MYO3B: variants seen among roughly 807,000 people sequenced by gnomAD.
MYO3B encodes myosin-IIIb.
In MYO3B, 156 loss-of-function variants were observed where a neutral mutation model predicts 174.6. The observed-to-expected ratio is 0.89, with a 90% CI of 0.78 to 1.02. The LOEUF (loss-of-function observed/expected upper bound fraction) is 1.02. MYO3B is among the 50% of genes least tolerant of loss of function. MYO3B has a pLI of 0.00. For missense variants in MYO3B, 1,632 were observed against 1,639.4 expected (o/e 1.00, Z 0.08); for synonymous variants, 563 against 569.1 (o/e 0.99, Z 0.15).
At chr2:170,532,757 G>A (rs1426567617) in intron 30 of MYO3B, among the ~76,000 whole-genome samples, 6 of 150,870 alleles carry the variant, frequency 4.0e-5, no homozygotes, top group African/African-American at 7.3e-5. Flanking sequence ...TGGGGGTTGC[G>A]GTGAGCCAAG....
chr2:170,413,606 G>T (rs1036946788), intron 22 of MYO3B, among the ~76,000 whole-genome samples: 2 of 152,040 alleles, frequency 1.3e-5, no homozygotes, highest in Admixed American at 6.6e-5. Context: ...GTATGAATAG[G>T]TGCTCAGTTA....
chr2:170,446,067 A>G (rs2094840076), intron 23 of MYO3B, among the ~76,000 whole-genome samples: 1 of 152,252 alleles, frequency 6.6e-6, no homozygotes, highest in African/African-American at 2.4e-5. Flanking sequence ...GAGAGCTGAA[A>G]TAAGAAGGCA....
intron 23 of MYO3B, among the ~76,000 whole-genome samples, chr2:170,460,273 A>C (rs1413619253): frequency 6.6e-6 from 1 of 152,010 alleles, no homozygotes; most frequent in Non-Finnish European, 1.5e-5. Context: ...GCGGATCTCA[A>C]GGTCAGGGGT....
chr2:170,203,485 C>G (rs1412542143), intron 3 of MYO3B, among the ~76,000 whole-genome samples: 1 of 94,012 alleles, frequency 1.1e-5, no homozygotes, highest in Non-Finnish European at 1.8e-5. Flanking sequence ...AGAGCCAAAG[C>G]AAAAGGGGGC....
chr2:170,585,188 G>T (rs886563579), intron 32 of MYO3B, among the ~76,000 whole-genome samples: 1 of 152,190 alleles, frequency 6.6e-6, no homozygotes, highest in African/African-American at 2.4e-5. Flanking sequence ...CTAGGGGCAT[G>T]CACAAAAAGG....
At chr2:170,215,759 T>G (rs555497596) in intron 5 of MYO3B, among the ~76,000 whole-genome samples, 1 of 152,316 alleles carries the variant, frequency 6.6e-6, no homozygotes, top group East Asian at 1.9e-4. Context: ...CTCCTCTTTA[T>G]AAGGAATGAT....
chr2:170,616,228 A>G (rs1444488386), intron 32 of MYO3B, among the ~76,000 whole-genome samples: 1 of 152,210 alleles, frequency 6.6e-6, no homozygotes, highest in Non-Finnish European at 1.5e-5. Flanking sequence ...CTGTGGCAAG[A>G]TGAGGGCGTT....
chr2:170,201,271 G>A (rs1029230060), intron 3 of MYO3B, among the ~76,000 whole-genome samples: 28 of 152,180 alleles, frequency 1.8e-4, no homozygotes, highest in African/African-American at 4.8e-4. Context: ...CAGGTCTATC[G>A]CCACATTCTC....
intron 27 of MYO3B, among the ~76,000 whole-genome samples, 158 bp downstream of exon 27, chr2:170,499,966 CCTTCTTTCCTTCCTTCCTTT>C (rs1402527640): frequency 2.3e-4 from 32 of 136,232 alleles, no homozygotes; most frequent in African/African-American, 6.3e-4. Flanking sequence ...TTCCTTCCTT[CCTTCTTTCCTTCCTTCCTTT>C]AGCAAATGTG....
intron 32 of MYO3B, among the ~76,000 whole-genome samples, chr2:170,551,382 T>TTATATATC (rs57300775): frequency 7.2e-6 from 1 of 138,760 alleles, no homozygotes; most frequent in Non-Finnish European, 1.5e-5. Flanking sequence ...ATTTATTTAT[T>TTATATATC]TATTTTTAGG....
intron 23 of MYO3B, among the ~76,000 whole-genome samples, chr2:170,448,404 G>T (rs1683382659): frequency 6.6e-6 from 1 of 152,074 alleles, no homozygotes; most frequent in South Asian, 2.1e-4. Context: ...TTCAGATGTG[G>T]GCTATGAAGA....
intron 32 of MYO3B, among the ~76,000 whole-genome samples, chr2:170,595,900 C>G (rs1694118367): frequency 6.6e-6 from 1 of 152,162 alleles, no homozygotes; most frequent in South Asian, 2.1e-4. Context: ...GTTGCGGTTG[C>G]TAAGGAATCC....
chr2:170,517,884 G>C (rs376682811), intron 29 of MYO3B, among the ~76,000 whole-genome samples: 1 of 151,976 alleles, frequency 6.6e-6, no homozygotes, highest in Non-Finnish European at 1.5e-5. Context: ...AGTGGGGGAA[G>C]GGAAGGGAAT....
At chr2:170,296,875 G>T (rs974988780) in intron 7 of MYO3B, among the ~76,000 whole-genome samples, 1 of 152,094 alleles carries the variant, frequency 6.6e-6, no homozygotes, top group Non-Finnish European at 1.5e-5. Context: ...AGAGAGTGGG[G>T]AGGTCTACAC....
chr2:170,421,551 C>T (rs1017826502), intron 22 of MYO3B, among the ~76,000 whole-genome samples: 1 of 152,178 alleles, frequency 6.6e-6, no homozygotes, highest in African/African-American at 2.4e-5. Flanking sequence ...CTGACTGGAC[C>T]GCATGTGAGG....
chr2:170,578,523 G>T lies in MYO3B; in HGVS notation c.3733+34535G>T, dbSNP rs141591073. Among the ~76,000 whole-genome samples the T allele has an allele frequency of 8.6e-3, 1,317 of 152,298 alleles. 16 individuals carry two copies. Among genetic ancestry groups the T allele is most frequent in the African/African-American group, 0.027 (1,139 of 41,562 alleles). On this transcript the variant is annotated intron_variant, in intron 32 of 34. Coordinates refer to ENST00000408978, the MANE Select transcript of MYO3B (RefSeq NM_138995.5). The stretch of plus-strand genomic sequence containing the variant: ...TGTACATTTTCTGTTGAAGTATTTC[G>T]AAAGCATCGAAGGTAAACAGGTGAA...
chr2:170,643,960 A>T (rs1236067537), intron 32 of MYO3B: 1 of 152,304 alleles, frequency 6.6e-6, no homozygotes, highest in African/African-American at 2.4e-5. Context: ...GCAGGTGATG[A>T]AAATGGAAAC....
chr2:170,385,967 C>A (rs976906836), intron 12 of MYO3B: 12 of 333,884 alleles, frequency 3.6e-5, no homozygotes, highest in Non-Finnish European at 6.5e-5. Context: ...CTCAAATATC[C>A]CAATATTGGA....
chr2:170,445,998 C>T (rs1156268935), intron 23 of MYO3B, among the ~76,000 whole-genome samples: 5 of 149,628 alleles, frequency 3.3e-5, no homozygotes, highest in Non-Finnish European at 7.4e-5. Flanking sequence ...GGAAAAATCA[C>T]AAAAATGCAA....
Sources: gnomAD v4.1 joint callset for allele counts (sites outside exome capture counted in the v4.1 genomes callset) on GRCh38, gnomAD v4.1.1 for gene constraint, MANE v1.5 for transcripts, NCBI Gene and HGNC (gene_info 2026-07-23, HGNC 2026-07-21) for gene names.